The following TINAG variants were observed in gnomAD, a reference collection of about 807,000 sequenced individuals.
TINAG encodes the protein tubulointerstitial nephritis antigen.
In TINAG, 83 loss-of-function variants were observed where a neutral mutation model predicts 72.7. The ratio of observed to expected loss-of-function variants is 1.14; its 90% CI spans 0.96 to 1.37. The LOEUF (loss-of-function observed/expected upper bound fraction) is 1.37, where lower values mean the gene tolerates loss of function less well. TINAG is among the 40% of genes most tolerant of loss of function. TINAG has a pLI of 0.00. For missense variants in TINAG, 685 were observed against 576.6 expected (o/e 1.19, Z -1.93); for synonymous variants, 234 against 189.9 (o/e 1.23, Z -1.91).
chr6:54,343,556 G>A (rs1785052101), intron 5 of TINAG, among the ~76,000 whole-genome samples: 1 of 150,390 alleles, frequency 6.6e-6, no homozygotes, highest in Non-Finnish European at 1.5e-5. Context: ...ATTTTAGGGT[G>A]AAATTTTAAA....
intron 10 of TINAG, among the ~76,000 whole-genome samples, chr6:54,388,941 C>A (rs1019714707): frequency 6.6e-6 from 1 of 152,088 alleles, no homozygotes; most frequent in African/African-American, 2.4e-5. Context: ...TGTCTGTACC[C>A]TCTTAAATCT....
intron 3 of TINAG, among the ~76,000 whole-genome samples, chr6:54,322,644 T>C (rs1384689290): frequency 6.6e-6 from 1 of 152,226 alleles, no homozygotes; most frequent in Admixed American, 6.5e-5. Flanking sequence ...TTCAATGTAT[T>C]CAAAGTTTTT....
chr6:54,385,164 C>CA (rs941618583), intron 10 of TINAG, among the ~76,000 whole-genome samples: 3 of 148,450 alleles, frequency 2.0e-5, no homozygotes, highest in South Asian at 2.1e-4. Context: ...AACAGAAAAG[C>CA]AAAAAAAAGT....
chr6:54,372,181 G>A (rs763540053), intron 9 of TINAG, among the ~76,000 whole-genome samples: 4 of 151,504 alleles, frequency 2.6e-5, no homozygotes, highest in East Asian at 3.9e-4. Flanking sequence ...TAATAGAGAC[G>A]GGGTTTCACC....
intron 4 of TINAG, 186 bp downstream of exon 4, chr6:54,327,102 G>A (rs751986114): frequency 6.5e-7 from 1 of 1,547,674 alleles, no homozygotes; most frequent in Non-Finnish European, 8.7e-7. Context: ...TATGAGATTT[G>A]CAAGTTTACT....
intron 1 of TINAG, among the ~76,000 whole-genome samples, chr6:54,313,206 A>T (rs1784298158): frequency 6.6e-6 from 1 of 152,274 alleles, no homozygotes; most frequent in African/African-American, 2.4e-5. Flanking sequence ...TGTTGGTATG[A>T]TCCTTAAAAT....
At chr6:54,337,997 G>T (rs1468562060) in intron 4 of TINAG, among the ~76,000 whole-genome samples, 1 of 152,202 alleles carries the variant, frequency 6.6e-6, no homozygotes, top group Non-Finnish European at 1.5e-5. Context: ...TTCAAAGAGT[G>T]TCAAACTTGT....
chr6:54,348,266 A>G (rs551422087), intron 6 of TINAG, among the ~76,000 whole-genome samples: 2 of 152,240 alleles, frequency 1.3e-5, no homozygotes, highest in East Asian at 3.9e-4. Context: ...AAATTTTTTC[A>G]TACGTTTTGC....
chr6:54,385,879 ATTTTTT>A (rs557831982), intron 10 of TINAG, among the ~76,000 whole-genome samples: 13 of 80,762 alleles, frequency 1.6e-4, no homozygotes, highest in Admixed American at 4.4e-4. Flanking sequence ...AAAAAACATG[ATTTTTT>A]TTTTTTTTTT....
At chr6:54,352,533 G>A (rs542239241) in intron 8 of TINAG, among the ~76,000 whole-genome samples, 1 of 151,760 alleles carries the variant, frequency 6.6e-6, no homozygotes, top group South Asian at 2.1e-4. Context: ...AAGAGTGAGG[G>A]AATTAATCTC....
intron 9 of TINAG, among the ~76,000 whole-genome samples, chr6:54,356,189 A>G (rs569701619): frequency 6.6e-6 from 1 of 151,994 alleles, no homozygotes; most frequent in African/African-American, 2.4e-5. Flanking sequence ...TTTTAATAAA[A>G]TGAAGATACA....
chr6:54,321,215 T>C, intron 2 of TINAG, 82 bp from the exon 3 acceptor site: 1 of 1,049,626 alleles, frequency 9.5e-7, no homozygotes, highest in Non-Finnish European at 1.5e-6. Flanking sequence ...GTTTTATGCC[T>C]TAACAATGTA....
chr6:54,321,859 T>C (rs1322111518), intron 3 of TINAG, among the ~76,000 whole-genome samples: 1 of 152,184 alleles, frequency 6.6e-6, no homozygotes. Flanking sequence ...CAATGTCACT[T>C]ACGGTTGAAT....
intron 10 of TINAG, among the ~76,000 whole-genome samples, chr6:54,385,008 T>C (rs1326047412): frequency 6.6e-6 from 1 of 152,142 alleles, no homozygotes; most frequent in South Asian, 2.1e-4. Context: ...TTTTGTTATT[T>C]AGCTAAAGCA....
intron 9 of TINAG, among the ~76,000 whole-genome samples, chr6:54,376,961 G>GCA (rs1763801987): frequency 6.6e-6 from 1 of 152,156 alleles, no homozygotes; most frequent in African/African-American, 2.4e-5. Flanking sequence ...CTTAGGGAAT[G>GCA]TGGTAGATGG....
intron 9 of TINAG, among the ~76,000 whole-genome samples, chr6:54,371,510 G>T (rs1455936322): frequency 1.3e-5 from 2 of 151,354 alleles, no homozygotes; most frequent in East Asian, 3.9e-4. Context: ...TTCTAATTAT[G>T]ATATTAATGA....
At chr6:54,329,585 T>C (rs1784687766) in intron 4 of TINAG, among the ~76,000 whole-genome samples, 1 of 152,060 alleles carries the variant, frequency 6.6e-6, no homozygotes, top group African/African-American at 2.4e-5. Flanking sequence ...AAATAACAGC[T>C]AGCATAATAA....
chr6:54,337,249 T>A (rs1176945137), intron 4 of TINAG, among the ~76,000 whole-genome samples: 30 of 126,846 alleles, frequency 2.4e-4, no homozygotes, highest in African/African-American at 1.1e-3. Flanking sequence ...GATTTGAATT[T>A]TTTTTTTTTT....
At position 54,323,057 on chromosome 6, in the gene TINAG, T is replaced by C. The variant is rs191863188; in HGVS notation, c.509+1671T>C. Among the ~76,000 whole-genome samples the C allele has an allele frequency of 3.9e-5, 6 of 152,330 alleles. No individual in the cohort carries two copies. In the East Asian group the frequency reaches 1.2e-3, roughly 29 times the overall value. On this transcript the variant is annotated intron_variant, in intron 3 of 10. Coordinates refer to ENST00000259782, the MANE Select transcript of TINAG (RefSeq NM_014464.4). ...GAATGCTATTAGGTTGGTGCAAAAC[T>C]CCACCATTACTTTTGCACCAACCTA...
Sources: allele counts gnomAD v4.1 joint callset (sites outside exome capture counted in the v4.1 genomes callset), GRCh38; gene constraint gnomAD v4.1.1; transcripts MANE v1.5; gene names NCBI Gene and HGNC (gene_info 2026-07-23, HGNC 2026-07-21).